Variants in SLC39A12 observed in about 807,000 individuals in gnomAD.
The protein encoded by SLC39A12 is zinc transporter ZIP12.
A neutral mutation model predicts 71.1 loss-of-function variants in SLC39A12; 63 were observed. That is an observed-to-expected ratio of 0.89 (90% confidence interval 0.72 to 1.09). SLC39A12 has a LOEUF of 1.09. Ranked by LOEUF, SLC39A12 falls within the 50% of genes least tolerant of loss-of-function variation. The pLI, the probability that SLC39A12 is intolerant of heterozygous loss-of-function variation, is 0.00. For synonymous variants in SLC39A12, 351 were observed against 301.3 expected (o/e 1.16, Z -1.71); for missense variants, 892 against 812.6 (o/e 1.10, Z -1.19).
chr10:17,981,249 C>G (rs1204751402), intron 5 of SLC39A12, 63 bp from the exon 6 acceptor site: 1 of 1,432,608 alleles, frequency 7.0e-7, no homozygotes, highest in African/African-American at 1.4e-5. Flanking sequence ...AGGATGACAA[C>G]TGGTGGAGAA....
intron 12 of SLC39A12, among the ~76,000 whole-genome samples, chr10:18,036,676 G>C (rs1365806007): frequency 6.8e-6 from 1 of 147,792 alleles, no homozygotes; most frequent in East Asian, 2.0e-4. Flanking sequence ...CTCCTCCCCC[G>C]TGATATCTTT....
intron 12 of SLC39A12, among the ~76,000 whole-genome samples, chr10:18,041,908 T>C (rs1303517292): frequency 1.4e-5 from 2 of 147,966 alleles, no homozygotes; most frequent in African/African-American, 2.5e-5. Flanking sequence ...TATGTATATA[T>C]GTATACATAT....
chr10:18,017,359 G>T (rs1192852665), intron 12 of SLC39A12, among the ~76,000 whole-genome samples: 2 of 151,724 alleles, frequency 1.3e-5, no homozygotes, highest in African/African-American at 4.8e-5. Flanking sequence ...CCCAGGCTGG[G>T]GTGCAGTGGC....
chr10:18,033,874 G>C (rs1452817688), intron 12 of SLC39A12, among the ~76,000 whole-genome samples: 1 of 152,060 alleles, frequency 6.6e-6, no homozygotes, highest in Non-Finnish European at 1.5e-5. Context: ...TGGTTTCAAA[G>C]AACATCTTTA....
intron 9 of SLC39A12, among the ~76,000 whole-genome samples, 171 bp downstream of exon 9, chr10:17,993,462 G>C (rs369241487): frequency 5.3e-5 from 8 of 152,222 alleles, no homozygotes; most frequent in African/African-American, 1.9e-4. Context: ...CCTGAAAGCT[G>C]TTCTAAAGAG....
chr10:18,009,354 T>C (rs1364423376), intron 12 of SLC39A12, among the ~76,000 whole-genome samples: 1 of 152,110 alleles, frequency 6.6e-6, no homozygotes, highest in Non-Finnish European at 1.5e-5. Context: ...GAAGTACCTG[T>C]CCAATTCATG....
At chr10:18,004,875 C>T (rs1009410788) in intron 12 of SLC39A12, among the ~76,000 whole-genome samples, 27 of 152,160 alleles carry the variant, frequency 1.8e-4, no homozygotes, top group African/African-American at 6.0e-4. Context: ...ACATATGCAC[C>T]GTGGAATAAT....
intron 5 of SLC39A12, among the ~76,000 whole-genome samples, chr10:17,978,846 T>C (rs16916693): frequency 0.053 from 8,121 of 152,230 alleles, 603 homozygotes; most frequent in African/African-American, 0.16. Context: ...TATTATTAGG[T>C]TGATCATTTT....
rs1327436790 is a variant in SLC39A12 at position 18,042,963 on chromosome 10, A to T, written c.*130A>T. ...CAAAGTGTGTCTCTTTCAATTCATT[A>T]ACTTATTAATTTTATAATGCAGTTT... is the stretch of plus-strand genomic sequence containing the variant. On this transcript the variant is annotated 3_prime_UTR_variant, in exon 13 of 13. Coordinates refer to ENST00000377369, the MANE Select transcript of SLC39A12 (RefSeq NM_001145195.2). The T allele has an allele frequency of 6.0e-6, 4 of 663,718 alleles. No individual in the cohort carries two copies. The highest frequency in any genetic ancestry group is 8.8e-6 in the Non-Finnish European group (4 of 455,266). 41.1% of individuals were successfully genotyped at this position (663,718 alleles called of 1,614,324 possible). A position where few individuals can be genotyped will look rare whatever the true frequency, so the allele number is the denominator to read the frequency against.
At chr10:18,020,030 A>G (rs1430860122) in intron 12 of SLC39A12, among the ~76,000 whole-genome samples, 1 of 151,960 alleles carries the variant, frequency 6.6e-6, no homozygotes, top group Non-Finnish European at 1.5e-5. Context: ...TACATGTGCA[A>G]GTATGTTACA....
At chr10:18,035,933 G>T (rs562634635) in intron 12 of SLC39A12, among the ~76,000 whole-genome samples, 25 of 152,184 alleles carry the variant, frequency 1.6e-4, no homozygotes, top group East Asian at 3.9e-4. Context: ...TGCCCCTGCT[G>T]GGGGGTGCCT....
chr10:18,040,589 A>C (rs1023764060), intron 12 of SLC39A12, among the ~76,000 whole-genome samples: 3 of 151,902 alleles, frequency 2.0e-5, no homozygotes, highest in African/African-American at 7.3e-5. Flanking sequence ...GGCCAACATG[A>C]AGAAACCCTG....
chr10:17,955,213 G>A (rs1455460062), intron 2 of SLC39A12, among the ~76,000 whole-genome samples: 2 of 152,164 alleles, frequency 1.3e-5, no homozygotes, highest in African/African-American at 2.4e-5. Context: ...GGGAAGGATT[G>A]TTTAGCACTT....
At chr10:18,040,813 A>G (rs569922898) in intron 12 of SLC39A12, among the ~76,000 whole-genome samples, 1 of 151,830 alleles carries the variant, frequency 6.6e-6, no homozygotes, top group South Asian at 2.1e-4. Flanking sequence ...TATTGCCATA[A>G]ACCTAAAGTC....
At chr10:17,972,800 G>T (rs114463968) in intron 4 of SLC39A12, among the ~76,000 whole-genome samples, 4 of 151,680 alleles carry the variant, frequency 2.6e-5, no homozygotes, top group East Asian at 1.9e-4. Context: ...CTGCTAGTCT[G>T]TGTCTTTTGA....
intron 12 of SLC39A12, chr10:18,007,363 A>G (rs79347420): frequency 0.032 from 4,936 of 152,282 alleles, 130 homozygotes; most frequent in South Asian, 0.081. Flanking sequence ...GCACCAAGAG[A>G]TGCTCCAAGA....
At chr10:18,036,325 G>C (rs1361585395) in intron 12 of SLC39A12, among the ~76,000 whole-genome samples, 1 of 152,190 alleles carries the variant, frequency 6.6e-6, no homozygotes, top group East Asian at 1.9e-4. Flanking sequence ...GACCCTCCGA[G>C]CCAGGTGTGG....
intron 12 of SLC39A12, among the ~76,000 whole-genome samples, chr10:18,032,664 T>C (rs1192917938): frequency 6.6e-6 from 1 of 151,216 alleles, no homozygotes; most frequent in African/African-American, 2.4e-5. Flanking sequence ...CTAATTGCCC[T>C]GGCCAGAACT....
chr10:17,953,233 C>T lies in SLC39A12; in HGVS notation c.-44C>T. The T allele has an allele frequency of 6.3e-7, 1 of 1,591,346 alleles. No individual in the cohort carries two copies. Among genetic ancestry groups the T allele is most frequent in the Non-Finnish European group, 8.6e-7 (1 of 1,168,488 alleles). On this transcript the variant is annotated 5_prime_UTR_variant, in exon 2 of 13. Coordinates refer to ENST00000377369, the MANE Select transcript of SLC39A12 (RefSeq NM_001145195.2). Reference sequence around the variant, plus strand: ...AGTTTACCCCATAAACGGCAACACACTCACCTCCATCCAAGACAGACTCAA... The same window carrying T: ...AGTTTACCCCATAAACGGCAACACATTCACCTCCATCCAAGACAGACTCAA...
Sources: allele counts gnomAD v4.1 joint callset (sites outside exome capture counted in the v4.1 genomes callset), GRCh38; gene constraint gnomAD v4.1.1; transcripts MANE v1.5; gene names NCBI Gene and HGNC (gene_info 2026-07-23, HGNC 2026-07-21).